The following FYN variants were observed in gnomAD, a reference collection of about 807,000 sequenced individuals.
FYN encodes the protein FYN proto-oncogene, Src family tyrosine kinase.
In FYN, 10 loss-of-function variants were observed where a neutral mutation model predicts 70.2. The observed-to-expected ratio is 0.14, with a 90% confidence interval of 0.09 to 0.24. FYN has a LOEUF of 0.24. Among genes scored for constraint, FYN ranks in the 10% least tolerant of loss-of-function variants. The probability of loss-of-function intolerance (pLI) is 1.00; values close to 1 mark genes in which losing one functional copy is unlikely to be tolerated. For missense variants in FYN, 319 were observed against 673.1 expected, an observed-to-expected ratio of 0.47 and a Z score of 5.82; for synonymous variants, 236 against 248.6, an observed-to-expected ratio of 0.95 and a Z score of 0.48.
intron 3 of FYN, among the ~76,000 whole-genome samples, chr6:111,751,974 C>T (rs1372326734): frequency 6.6e-6 from 1 of 152,038 alleles, no homozygotes; most frequent in Non-Finnish European, 1.5e-5. Context: ...ATGTATTTTT[C>T]TCAGATTTAT....
At chr6:111,868,838 T>C (rs1774188194) in intron 1 of FYN, among the ~76,000 whole-genome samples, 1 of 150,934 alleles carries the variant, frequency 6.6e-6, no homozygotes, top group African/African-American at 2.5e-5. Flanking sequence ...AACCACTTCA[T>C]ATTATTATTG....
chr6:111,785,118 T>C (rs1771315885), intron 2 of FYN, among the ~76,000 whole-genome samples: 1 of 152,220 alleles, frequency 6.6e-6, no homozygotes, highest in Non-Finnish European at 1.5e-5. Context: ...TGGAAGAACA[T>C]TGATTGGTTC....
intron 4 of FYN, among the ~76,000 whole-genome samples, chr6:111,717,744 A>T (rs1053188282): frequency 1.3e-5 from 2 of 152,162 alleles, no homozygotes; most frequent in African/African-American, 2.4e-5. Context: ...GATTACAGGC[A>T]TGAGCTACTG....
chr6:111,750,268 C>A (rs1802425024), intron 3 of FYN, among the ~76,000 whole-genome samples: 1 of 152,134 alleles, frequency 6.6e-6, no homozygotes. Context: ...TTAGCACCAT[C>A]CTCCTTGGTA....
At chr6:111,813,674 C>T (rs904079407) in intron 2 of FYN, among the ~76,000 whole-genome samples, 23 of 152,272 alleles carry the variant, frequency 1.5e-4, no homozygotes, top group African/African-American at 5.5e-4. Context: ...CTCAGTTTTG[C>T]TATCTACAAA....
At chr6:111,841,775 G>C (rs1401093040) in intron 2 of FYN, among the ~76,000 whole-genome samples, 1 of 151,510 alleles carries the variant, frequency 6.6e-6, no homozygotes, top group Non-Finnish European at 1.5e-5. Flanking sequence ...TCTAGGAAGA[G>C]GGATTTTTTT....
intron 2 of FYN, among the ~76,000 whole-genome samples, chr6:111,806,392 C>A (rs955427829): frequency 2.6e-5 from 4 of 152,186 alleles, no homozygotes; most frequent in Non-Finnish European, 5.9e-5. Context: ...CAGGAGGACA[C>A]CCCTTCGGCC....
At chr6:111,872,160 A>T (rs1774293194) in intron 1 of FYN, among the ~76,000 whole-genome samples, 1 of 152,054 alleles carries the variant, frequency 6.6e-6, no homozygotes, top group Non-Finnish European at 1.5e-5. Context: ...CTTCCCAGTG[A>T]GTCCCAGCAC....
intron 5 of FYN, among the ~76,000 whole-genome samples, chr6:111,710,658 G>A (rs1208842077): frequency 6.6e-6 from 1 of 152,144 alleles, no homozygotes; most frequent in Non-Finnish European, 1.5e-5. Flanking sequence ...CACATGTTGA[G>A]CCTAGAGAGG....
chr6:111,672,926 C>CA (rs1296706522), intron 13 of FYN, among the ~76,000 whole-genome samples: 2 of 152,154 alleles, frequency 1.3e-5, no homozygotes, highest in Admixed American at 1.3e-4. Context: ...CCAAGGCCCC[C>CA]ACCTCCACCC....
intron 3 of FYN, among the ~76,000 whole-genome samples, chr6:111,737,652 T>A (rs1372692785): frequency 1.3e-5 from 2 of 152,180 alleles, no homozygotes; most frequent in Non-Finnish European, 2.9e-5. Flanking sequence ...GAGGCCTCAT[T>A]ACATAAGCAT....
At chr6:111,785,222 C>T (rs578078276) in intron 2 of FYN, among the ~76,000 whole-genome samples, 6 of 152,214 alleles carry the variant, frequency 3.9e-5, no homozygotes, top group Non-Finnish European at 5.9e-5. Context: ...ATTCCACTGT[C>T]CCAACTGTCA....
intron 2 of FYN, among the ~76,000 whole-genome samples, chr6:111,781,634 C>G (rs1308570568): frequency 6.6e-6 from 1 of 152,202 alleles, no homozygotes; most frequent in Non-Finnish European, 1.5e-5. Context: ...CTCTGAGCCT[C>G]TAGGCAGGCC....
At position 111,672,832 on chromosome 6, in the gene FYN, A is replaced by G. The variant is rs1216757140; in HGVS notation, c.1405+1667T>C. Among the ~76,000 whole-genome samples, 3 of 152,088 alleles carry G rather than the reference A, an allele frequency of 2.0e-5. No homozygotes were observed. The East Asian group carries it at 5.8e-4, about 29-fold the overall frequency. ...CGCTGAATGAATGAATCCTGGTCTAAGTGGTAAAATGAGGGCATTTTCTTT... is the reference window on the plus strand; with the variant it reads ...CGCTGAATGAATGAATCCTGGTCTAGGTGGTAAAATGAGGGCATTTTCTTT... On this transcript the variant is annotated intron_variant, in intron 13 of 13. Transcript: ENST00000354650.
chr6:111,687,630 GTATGTGTGTGTC>G (rs1199850130), intron 12 of FYN, among the ~76,000 whole-genome samples: 7 of 149,110 alleles, frequency 4.7e-5, no homozygotes, highest in Non-Finnish European at 7.4e-5. Flanking sequence ...GTGTGTGTGT[GTATGTGTGTGTC>G]AGAGAGAGAG....
intron 12 of FYN, among the ~76,000 whole-genome samples, chr6:111,683,229 A>T (rs1015484563): frequency 2.0e-5 from 3 of 152,236 alleles, no homozygotes; most frequent in African/African-American, 7.2e-5. Flanking sequence ...CTCAGCAGAG[A>T]CAGGAAAAGA....
intron 3 of FYN, among the ~76,000 whole-genome samples, chr6:111,756,965 C>T (rs1295345907): frequency 6.6e-6 from 1 of 152,108 alleles, no homozygotes; most frequent in Non-Finnish European, 1.5e-5. Context: ...TCCCTACTTC[C>T]TATCCCCTGT....
At chr6:111,817,389 G>A (rs1403381208) in intron 2 of FYN, among the ~76,000 whole-genome samples, 1 of 152,150 alleles carries the variant, frequency 6.6e-6, no homozygotes, top group East Asian at 1.9e-4. Context: ...GATTTCTCAA[G>A]TACTATCGTA....
intron 3 of FYN, among the ~76,000 whole-genome samples, chr6:111,752,283 A>G (rs1802524011): frequency 1.3e-5 from 2 of 152,208 alleles, no homozygotes; most frequent in South Asian, 2.1e-4. Flanking sequence ...CAACAAATAC[A>G]TCCTCTCTAC....
Sources: allele counts gnomAD v4.1 joint callset (sites outside exome capture counted in the v4.1 genomes callset), GRCh38; gene constraint gnomAD v4.1.1; transcripts MANE v1.5; gene names NCBI Gene and HGNC (gene_info 2026-07-23, HGNC 2026-07-21).